Variants in ST8SIA1 observed in about 807,000 individuals in gnomAD.
ST8SIA1 encodes the protein alpha-N-acetylneuraminide alpha-2,8-sialyltransferase.
A neutral mutation model predicts 35.9 loss-of-function variants in ST8SIA1; 16 were observed. The ratio of observed to expected loss-of-function variants is 0.45; its 90% CI spans 0.30 to 0.68. ST8SIA1 has a LOEUF of 0.68. Among genes scored for constraint, ST8SIA1 ranks in the 30% least tolerant of loss-of-function variants. ST8SIA1 has a pLI of 0.09. For missense variants in ST8SIA1, 383 were observed against 453.6 expected, an observed-to-expected ratio of 0.84 and a Z score of 1.41; for synonymous variants, 170 against 169.6, an observed-to-expected ratio of 1.00 and a Z score of -0.02.
intron 2 of ST8SIA1, among the ~76,000 whole-genome samples, chr12:22,270,236 A>G (rs965889376): frequency 1.3e-5 from 2 of 152,204 alleles, no homozygotes; most frequent in African/African-American, 4.8e-5. Flanking sequence ...CTCAGCCTCA[A>G]TTTCTACATG....
chr12:22,308,415 CG>C (rs1234838597), intron 1 of ST8SIA1, among the ~76,000 whole-genome samples: 1 of 152,166 alleles, frequency 6.6e-6, no homozygotes, highest in Non-Finnish European at 1.5e-5. Flanking sequence ...TCTTCAAAAT[CG>C]GTACACACTT....
rs566790823 is a variant in ST8SIA1 at position 22,197,533 on chromosome 12, G to C, written c.*4019C>G. ...ATAATCAAAAAATGTATATAATAAA[G>C]TTATAAAACTGGAATATGTAGCTGC... On this transcript the variant is annotated 3_prime_UTR_variant, in exon 5 of 5. Transcript: ENST00000396037. The C allele has an allele frequency of 6.9e-4, 105 of 152,202 alleles. No homozygotes were observed. Among genetic ancestry groups the C allele is most frequent in the African/African-American group, 2.5e-3 (103 of 41,536 alleles). The allele number at this position is 152,202 out of a possible 1,614,324, so 9.4% of individuals were successfully genotyped here. A position where few individuals can be genotyped will look rare whatever the true frequency, so the allele number is the denominator to read the frequency against.
intron 4 of ST8SIA1, among the ~76,000 whole-genome samples, chr12:22,216,751 T>A (rs1221623588): frequency 6.6e-6 from 1 of 152,238 alleles, no homozygotes; most frequent in Non-Finnish European, 1.5e-5. Context: ...TAAATATTTG[T>A]TGAACAAATA....
chr12:22,226,614 CTT>C (rs933739759), intron 4 of ST8SIA1, among the ~76,000 whole-genome samples: 1 of 150,968 alleles, frequency 6.6e-6, no homozygotes, highest in African/African-American at 2.4e-5. Context: ...TTTCCTTCAT[CTT>C]TTTTTTCTCA....
chr12:22,219,665 C>A (rs926483981), intron 4 of ST8SIA1, among the ~76,000 whole-genome samples: 4 of 152,110 alleles, frequency 2.6e-5, no homozygotes, highest in African/African-American at 9.7e-5. Flanking sequence ...ATGAACAAAT[C>A]ATTTACAGGA....
intron 2 of ST8SIA1, among the ~76,000 whole-genome samples, chr12:22,260,141 C>A (rs1341257407): frequency 6.6e-5 from 10 of 150,812 alleles, no homozygotes; most frequent in Admixed American, 3.3e-4. Flanking sequence ...GTAATGAGCT[C>A]AAGGGTTTTT....
chr12:22,204,878 A>C (rs1286284057), intron 4 of ST8SIA1, among the ~76,000 whole-genome samples: 1 of 152,162 alleles, frequency 6.6e-6, no homozygotes, highest in Non-Finnish European at 1.5e-5. Flanking sequence ...GTTGGTATTG[A>C]ATTTTATTAC....
intron 1 of ST8SIA1, chr12:22,325,449 C>A: frequency 1.4e-6 from 1 of 702,056 alleles, no homozygotes. Context: ...CCCTCTCATG[C>A]AATGCCACAG....
chr12:22,246,764 C>T (rs577407716), intron 4 of ST8SIA1, among the ~76,000 whole-genome samples: 1 of 152,114 alleles, frequency 6.6e-6, no homozygotes, highest in Admixed American at 6.5e-5. Context: ...TGAGCAGGTT[C>T]CTAGATTCAC....
rs1157563679 is a variant in ST8SIA1, at chr12:22,245,443, A to G, written c.584+3563T>C. On this transcript the variant is annotated intron_variant, in intron 4 of 4. Coordinates refer to ENST00000396037, the MANE Select transcript of ST8SIA1 (RefSeq NM_003034.4). ...TTGGTGTACACATATTGATTTGAAC[A>G]GAAACCTTGTTACATTGAATACATT... Among the ~76,000 whole-genome samples the G allele has an allele frequency of 2.6e-5, 4 of 152,258 alleles. No individual in the cohort carries two copies. The East Asian group carries it at 5.8e-4, about 22-fold the overall frequency.
rs1864993871 is a variant in ST8SIA1 at position 22,196,763 on chromosome 12, TGCCACA to T, written c.*4783_*4788del. 1 of 152,300 alleles carries T rather than the reference TGCCACA, an allele frequency of 6.6e-6. No homozygotes were observed. Among genetic ancestry groups the T allele is most frequent in the African/African-American group, 2.4e-5 (1 of 41,440 alleles). The allele number at this position is 152,300 out of a possible 1,614,324, so 9.4% of individuals were successfully genotyped here. ...TAACTAGGTCGGGGTGATCAGACTC[TGCCACA>T]AAACACCCACATTTAGACAGCACGA... On this transcript the variant is annotated 3_prime_UTR_variant, in exon 5 of 5. Transcript: ENST00000396037.
intron 1 of ST8SIA1, among the ~76,000 whole-genome samples, chr12:22,320,972 A>AAAG (rs1565595879): frequency 3.2e-5 from 3 of 92,986 alleles, no homozygotes; most frequent in African/African-American, 1.7e-4. Flanking sequence ...AGAAAGAAAG[A>AAAG]AAGAAAGAAA....
At chr12:22,285,877 C>CAAAAAAAAAACA (rs1866093978) in intron 2 of ST8SIA1, among the ~76,000 whole-genome samples, 4 of 103,630 alleles carry the variant, frequency 3.9e-5, no homozygotes, top group African/African-American at 1.5e-4. Context: ...CTGTCAAAAA[C>CAAAAAAAAAACA]AAAAAAAAAA....
At chr12:22,242,489 G>A (rs891599389) in intron 4 of ST8SIA1, among the ~76,000 whole-genome samples, 3 of 152,066 alleles carry the variant, frequency 2.0e-5, no homozygotes, top group African/African-American at 2.4e-5. Flanking sequence ...ATAATGCCCT[G>A]AAAAGTCCGT....
Position 22,320,727 on chromosome 12 carries a change from T to TGGGAGGCTGAGTC in ST8SIA1, c.236+13257_236+13269dup, listed in dbSNP as rs1170468346. On this transcript the variant is annotated intron_variant, in intron 1 of 4. Transcript: ENST00000396037. Reference sequence around the variant, plus strand: ...TGCTGGGCCTACAGTCCCAGGTACTTGGGAGGCTGAGTCAGGAGGTTTCCT... The same window carrying TGGGAGGCTGAGTC: ...TGCTGGGCCTACAGTCCCAGGTACTTGGGAGGCTGAGTCGGGAGGCTGAGTCAGGAGGTTTCCT... Among the ~76,000 whole-genome samples, 19 of 151,074 alleles carry TGGGAGGCTGAGTC rather than the reference T, an allele frequency of 1.3e-4. No individual in the cohort carries two copies. The South Asian group carries it at 3.2e-3, about 25-fold the overall frequency.
intron 4 of ST8SIA1, among the ~76,000 whole-genome samples, chr12:22,242,470 C>A (rs1377006154): frequency 6.6e-6 from 1 of 152,074 alleles, no homozygotes; most frequent in Non-Finnish European, 1.5e-5. Flanking sequence ...ATATTTAAAG[C>A]ATATGTATAT....
chr12:22,290,350 A>G (rs1484859523), intron 1 of ST8SIA1, among the ~76,000 whole-genome samples: 1 of 152,208 alleles, frequency 6.6e-6, no homozygotes, highest in African/African-American at 2.4e-5. Flanking sequence ...TGGCAGCAGC[A>G]GCAAAAACAG....
intron 2 of ST8SIA1, among the ~76,000 whole-genome samples, chr12:22,282,164 A>C (rs1359761553): frequency 6.6e-6 from 1 of 152,218 alleles, no homozygotes; most frequent in Non-Finnish European, 1.5e-5. Flanking sequence ...AAGGAAATAA[A>C]CCATAGAGTA....
At position 22,233,600 on chromosome 12, in the gene ST8SIA1, G is replaced by A. The variant is rs1004463829; in HGVS notation, c.584+15406C>T. ...TTTCTCTTCTCTCGCAGTAAAACAC[G>A]GGTAAGCTGCGATGCCAACCATAAA... On this transcript the variant is annotated intron_variant, in intron 4 of 4. Transcript: ENST00000396037. 3.9e-5 allele frequency among the ~76,000 whole-genome samples: 6 copies of A among 151,992 alleles called. No individual in the cohort carries two copies. The South Asian group carries it at 6.2e-4, about 16-fold the overall frequency.
Sources: gnomAD v4.1 joint callset for allele counts (sites outside exome capture counted in the v4.1 genomes callset) on GRCh38, gnomAD v4.1.1 for gene constraint, MANE v1.5 for transcripts, NCBI Gene and HGNC (gene_info 2026-07-23, HGNC 2026-07-21) for gene names.